Variants in RBFOX1 observed in about 807,000 individuals in gnomAD.
RBFOX1 encodes RNA binding protein fox-1 homolog 1.
A neutral mutation model predicts 57.7 loss-of-function variants in RBFOX1; 8 were observed. That is an observed-to-expected ratio of 0.14 (90% confidence interval 0.08 to 0.25). RBFOX1 has a LOEUF of 0.25. RBFOX1 is among the 10% of genes least tolerant of loss of function. The pLI, the probability that RBFOX1 is intolerant of heterozygous loss-of-function variation, is 1.00. For missense variants in RBFOX1, 611 were observed against 548.5 expected (o/e 1.11, Z -1.14); for synonymous variants, 326 against 222.4 (o/e 1.47, Z -4.15).
At chr16:7,396,118 G>GAGGA (rs1271238325) in intron 4 of RBFOX1, among the ~76,000 whole-genome samples, 2 of 152,156 alleles carry the variant, frequency 1.3e-5, no homozygotes, top group East Asian at 3.9e-4. Context: ...GGGATTGAGG[G>GAGGA]CTGTTCTTTT....
intron 3 of RBFOX1, among the ~76,000 whole-genome samples, chr16:6,928,543 G>A (rs573619944): frequency 1.4e-4 from 22 of 152,122 alleles, no homozygotes; most frequent in African/African-American, 5.3e-4. Flanking sequence ...TTTTATCCAG[G>A]GTAACCTTGT....
intron 4 of RBFOX1, among the ~76,000 whole-genome samples, chr16:7,253,896 A>G (rs1350266490): frequency 6.6e-6 from 1 of 152,174 alleles, no homozygotes; most frequent in Non-Finnish European, 1.5e-5. Context: ...TTCGTTCATT[A>G]CCTGAATCTG....
intron 2 of RBFOX1, among the ~76,000 whole-genome samples, chr16:6,544,850 C>G (rs1407535601): frequency 6.6e-6 from 1 of 152,196 alleles, no homozygotes; most frequent in African/African-American, 2.4e-5. Flanking sequence ...TATGATGGGG[C>G]TTGATCCAAG....
intron 2 of RBFOX1, among the ~76,000 whole-genome samples, chr16:5,509,849 G>A (rs1220042500): frequency 1.3e-5 from 2 of 152,152 alleles, no homozygotes; most frequent in African/African-American, 2.4e-5. Context: ...AAGGGAGTGC[G>A]GGGTGTCCCA....
intron 11 of RBFOX1, among the ~76,000 whole-genome samples, chr16:7,642,727 G>C (rs536418651): frequency 9.9e-5 from 15 of 152,134 alleles, no homozygotes; most frequent in African/African-American, 3.6e-4. Flanking sequence ...CAACAACATG[G>C]TTATCAGTAC....
chr16:7,217,951 T>C (rs913276261), intron 4 of RBFOX1, among the ~76,000 whole-genome samples: 2 of 151,808 alleles, frequency 1.3e-5, no homozygotes, highest in Non-Finnish European at 2.9e-5. Flanking sequence ...TGTGTGTGTG[T>C]GCACATGTGT....
chr16:6,631,735 C>G (rs2098387388), intron 2 of RBFOX1, among the ~76,000 whole-genome samples: 2 of 152,096 alleles, frequency 1.3e-5, no homozygotes. Context: ...CACTGATGAG[C>G]TGGTGTCTGA....
intron 3 of RBFOX1, among the ~76,000 whole-genome samples, chr16:5,821,501 C>T (rs760792551): frequency 6.6e-6 from 1 of 152,034 alleles, no homozygotes; most frequent in Non-Finnish European, 1.5e-5. Flanking sequence ...TGAGGTCTTG[C>T]TATGGTGTTC....
intron 3 of RBFOX1, among the ~76,000 whole-genome samples, chr16:6,809,062 C>T (rs1490540963): frequency 3.3e-5 from 5 of 152,158 alleles, no homozygotes; most frequent in South Asian, 2.1e-4. Context: ...CAATCCCAGC[C>T]GCCATACTTC....
intron 4 of RBFOX1, among the ~76,000 whole-genome samples, chr16:7,240,029 C>A (rs532158061): frequency 1.3e-5 from 2 of 152,132 alleles, no homozygotes; most frequent in East Asian, 3.9e-4. Flanking sequence ...TGCAATGCTG[C>A]AATGTCTGCT....
chr16:7,699,951 C>G (rs1400258137), intron 14 of RBFOX1, among the ~76,000 whole-genome samples: 2 of 152,092 alleles, frequency 1.3e-5, no homozygotes, highest in Non-Finnish European at 2.9e-5. Context: ...ATAATCTGGA[C>G]ATTGTCAGTG....
Position 5,636,235 on chromosome 16 carries a change from C to G in RBFOX1, c.318+37274C>G, listed in dbSNP as rs141125022. The stretch of plus-strand genomic sequence containing the variant: ...TGGTAGCAGATGCCTGTAGTCCCAG[C>G]TACTCTGGAGGCCGATGCAGGAGAA... On this transcript the variant is annotated intron_variant, in intron 3 of 19. Coordinates refer to the RBFOX1 transcript ENST00000641259. Among the ~76,000 whole-genome samples, 944 of 152,240 alleles carry G rather than the reference C, an allele frequency of 6.2e-3. 12 individuals carry two copies. Among genetic ancestry groups the G allele is most frequent in the African/African-American group, 0.022 (894 of 41,526 alleles).
chr16:6,497,514 T>C (rs561399992), intron 2 of RBFOX1, among the ~76,000 whole-genome samples: 2 of 151,818 alleles, frequency 1.3e-5, no homozygotes, highest in South Asian at 2.1e-4. Context: ...CAAGGACATG[T>C]GGAATAACCT....
chr16:6,595,853 C>A (rs753820186), intron 2 of RBFOX1, among the ~76,000 whole-genome samples: 1 of 151,916 alleles, frequency 6.6e-6, no homozygotes, highest in Admixed American at 6.6e-5. Flanking sequence ...TTTGTTGTAT[C>A]TTCTTTGGAC....
At chr16:6,801,500 T>C (rs1296951324) in intron 3 of RBFOX1, among the ~76,000 whole-genome samples, 6 of 152,142 alleles carry the variant, frequency 3.9e-5, no homozygotes, top group Non-Finnish European at 8.8e-5. Context: ...AGTGACTCAA[T>C]AAAATTCTGC....
chr16:6,773,047 GTAT>G (rs2078640252), intron 3 of RBFOX1, among the ~76,000 whole-genome samples: 1 of 110,650 alleles, frequency 9.0e-6, no homozygotes, highest in Non-Finnish European at 1.8e-5. Flanking sequence ...GGGTGCATTT[GTAT>G]TGGGCTTGGG....
chr16:7,234,689 G>GTT (rs148073965), intron 4 of RBFOX1, among the ~76,000 whole-genome samples: 10 of 146,682 alleles, frequency 6.8e-5, no homozygotes. Flanking sequence ...ATATATATAT[G>GTT]TATATATATA....
intron 5 of RBFOX1, among the ~76,000 whole-genome samples, chr16:7,530,663 T>G (rs2079831308): frequency 6.6e-6 from 1 of 152,204 alleles, no homozygotes; most frequent in East Asian, 1.9e-4. Context: ...GGTCTGGGTT[T>G]CTTCCTTTGT....
intron 2 of RBFOX1, among the ~76,000 whole-genome samples, chr16:5,572,905 G>A (rs1405726621): frequency 6.6e-6 from 1 of 152,132 alleles, no homozygotes; most frequent in African/African-American, 2.4e-5. Context: ...TGGGAGCCAG[G>A]GCAGACGGGG....
Sources: gnomAD v4.1 joint callset for allele counts (sites outside exome capture counted in the v4.1 genomes callset) on GRCh38, gnomAD v4.1.1 for gene constraint, MANE v1.5 for transcripts, NCBI Gene and HGNC (gene_info 2026-07-23, HGNC 2026-07-21) for gene names.